SIDT2: variants seen among roughly 807,000 people sequenced by gnomAD.
The protein encoded by SIDT2 is SID1 transmembrane family, member 2.
In SIDT2, 68 loss-of-function variants were observed where a neutral mutation model predicts 114.4. The observed-to-expected ratio is 0.59, with a 90% confidence interval of 0.49 to 0.73. The LOEUF (loss-of-function observed/expected upper bound fraction) is 0.73, where lower values mean the gene tolerates loss of function less well. Ranked by LOEUF, SIDT2 falls within the 30% of genes least tolerant of loss-of-function variation. The pLI is 0.00. For synonymous variants in SIDT2, 470 were observed against 438.4 expected, an observed-to-expected ratio of 1.07 and a Z score of -0.90; for missense variants, 918 against 1,097.1, an observed-to-expected ratio of 0.84 and a Z score of 2.31.
intron 6 of SIDT2, among the ~76,000 whole-genome samples, chr11:117,183,119 G>A (rs1421649530): frequency 4.6e-5 from 7 of 152,046 alleles, no homozygotes; most frequent in African/African-American, 1.4e-4. Context: ...CGAGGTGGGC[G>A]GATCACCTGA....
rs2030654430 is a variant in SIDT2, at chr11:117,190,381, C to T, written c.1617+92C>T. ...GACACCCTTTTGGGCAGGCCTGGCC[C>T]TGCCTTCCCCAGCTCTCCCCTCCCC... On this transcript the variant is annotated intron_variant, in intron 17 of 25. Coordinates refer to ENST00000324225, the MANE Select transcript of SIDT2 (RefSeq NM_001040455.2). The surrounding 1 kb of genome is among the most constrained non-coding windows in gnomAD (Gnocchi z 4.1). The T allele has an allele frequency of 1.3e-6, 2 of 1,503,882 alleles. No homozygotes were observed. Among genetic ancestry groups the T allele is most frequent in the Admixed American group, 2.3e-5 (1 of 43,332 alleles). 93.2% of individuals were successfully genotyped at this position (1,503,882 alleles called of 1,614,324 possible). A position where few individuals can be genotyped will look rare whatever the true frequency, so the allele number is the denominator to read the frequency against.
At position 117,181,928 on chromosome 11, in the gene SIDT2, A is replaced by G. The variant is rs1270348631; in HGVS notation, c.427A>G (p.Thr143Ala). 6.2e-7 allele frequency: 1 copy of G among 1,614,112 alleles called. No individual in the cohort carries two copies. The highest frequency in any genetic ancestry group is 8.5e-7 in the Non-Finnish European group (1 of 1,180,020). The stretch of plus-strand genomic sequence containing the variant: ...GTCCACCCTGTCACCAGTCAACACC[A>G]CATACCAGCTCCGGGTCAGCCGCAT... ...DVSTLSPVNTTYQLRVSRMDD... is the reference protein window; with the variant it reads ...DVSTLSPVNTAYQLRVSRMDD... Residue 143 changes from threonine to alanine, a missense_variant, in exon 3 of 26, where the codon ACA (threonine) becomes GCA (alanine). Physicochemically the swap from Thr to Ala is moderately conservative, Grantham distance 58. Around this residue, in one of 4 missense-constraint regions of SIDT2, gnomAD observed 553 missense variants for 600.1 expected, o/e 0.92. Transcript: ENST00000324225.
At position 117,183,872 on chromosome 11, in the gene SIDT2, G is replaced by A. The variant is rs200974213; in HGVS notation, c.796G>A (p.Ala266Thr). The part of the protein sequence containing the change: ...CGGSLPFYPF[A>T]EDEPVDQGHR... ...GGGCTCCCTGCCTTTCTACCCCTTC[G>A]CAGAAGGTACATTTTGTGCCCTGGG... Residue 266 changes from alanine (A) to threonine (T), a missense_variant, in exon 7 of 26, where the codon GCA (alanine) becomes ACA (threonine). By Grantham distance (58) the Ala-to-Thr change is moderately conservative. Transcript: ENST00000324225. The A allele has an allele frequency of 3.5e-5, 56 of 1,611,904 alleles. No individual in the cohort carries two copies. The highest frequency in any genetic ancestry group is 3.1e-4 in the African/African-American group (23 of 74,868).
chr11:117,191,846 T>G, intron 18 of SIDT2, 32 bp from the exon 19 acceptor site: 1 of 1,608,060 alleles, frequency 6.2e-7, no homozygotes, highest in Non-Finnish European at 8.5e-7. Context: ...GGTGGCCATT[T>G]CTGCAGCTCC....
Position 117,190,646 on chromosome 11 carries a change from T to C in SIDT2, c.1641T>C (p.Phe547=), listed in dbSNP as rs746581208. ...CALECGIPKH[F]GLFYAMGTAL... ...AGGAATGTGGGATCCCCAAACACTT[T>C]GGGCTTTTCTACGCCATGGGCACAG... The change falls in exon 18 of 26, where the codon TTT becomes TTC. Residue 547 remains phenylalanine, a synonymous_variant. Transcript: ENST00000324225. The surrounding 1 kb of genome is among the most constrained non-coding windows in gnomAD (Gnocchi z 4.1). 5.0e-6 allele frequency: 8 copies of C among 1,597,052 alleles called. No individual in the cohort carries two copies. In the South Asian group the frequency reaches 7.9e-5, roughly 16 times the overall value.
intron 8 of SIDT2, among the ~76,000 whole-genome samples, chr11:117,184,579 G>C (rs566943151): frequency 6.6e-6 from 1 of 152,278 alleles, no homozygotes; most frequent in African/African-American, 2.4e-5. Flanking sequence ...AATTTGTCCA[G>C]TTAATCTCAC....
At position 117,188,566 on chromosome 11, in the gene SIDT2, AC is replaced by A; in HGVS notation, c.1160-141del. The A allele has an allele frequency of 1.5e-6, 1 of 658,834 alleles. No homozygotes were observed. The highest frequency in any genetic ancestry group is 2.8e-6 in the Non-Finnish European group (1 of 360,364). 40.8% of individuals were successfully genotyped at this position (658,834 alleles called of 1,614,324 possible). A position where few individuals can be genotyped will look rare whatever the true frequency, so the allele number is the denominator to read the frequency against. ...ATGTCTCCTCCCAGCTCCTGAGCCC[AC>A]TTCCACCCCAACTCTGAGGCCCAGC... On this transcript the variant is annotated intron_variant, in intron 12 of 25. Coordinates refer to ENST00000324225, the MANE Select transcript of SIDT2 (RefSeq NM_001040455.2). This position sits in a 1 kb window ranked among gnomAD's most constrained non-coding sequence, Gnocchi z 4.0.
Position 117,192,602 on chromosome 11 carries a change from C to T in SIDT2, c.2010C>T (p.His670=), listed in dbSNP as rs775982399. ...LDSGIFRRIL[H]VLYTDCIRQC... ...CGGGGATCTTCCGCCGCATCCTCCACGTGCTCTACACAGACTGCATCCGGC... is the reference window on the plus strand; with the variant it reads ...CGGGGATCTTCCGCCGCATCCTCCATGTGCTCTACACAGACTGCATCCGGC... Residue 670 remains histidine (H), a synonymous_variant, in exon 21 of 26, where the codon CAC becomes CAT. Coordinates refer to ENST00000324225, the MANE Select transcript of SIDT2 (RefSeq NM_001040455.2). The surrounding 1 kb of genome is among the most constrained non-coding windows in gnomAD (Gnocchi z 5.9). The T allele has an allele frequency of 7.4e-6, 12 of 1,611,106 alleles. No individual in the cohort carries two copies. Among genetic ancestry groups the T allele is most frequent in the East Asian group, 4.5e-5 (2 of 44,894 alleles).
At chr11:117,194,047 T>G in intron 24 of SIDT2, 84 bp downstream of exon 24, 26 of 1,096,770 alleles carry the variant, frequency 2.4e-5, no homozygotes, top group Non-Finnish European at 3.4e-5. Context: ...TGGGATTACC[T>G]GTAATCCCAG....
chr11:117,179,156 T>G lies in SIDT2; in HGVS notation c.-108T>G. The G allele has an allele frequency of 9.5e-7, 1 of 1,052,304 alleles. No homozygotes were observed. The highest frequency in any genetic ancestry group is 1.4e-6 in the Non-Finnish European group (1 of 728,294). The allele number at this position is 1,052,304 out of a possible 1,614,324, so 65.2% of individuals were successfully genotyped here. A position where few individuals can be genotyped will look rare whatever the true frequency, so the allele number is the denominator to read the frequency against. ...GCCGGGGTTAAAGTTCTGGTCCTGGTGAGATGCTGGAAGCTGCGGCCGCAG... is the reference window on the plus strand; with the variant it reads ...GCCGGGGTTAAAGTTCTGGTCCTGGGGAGATGCTGGAAGCTGCGGCCGCAG... On this transcript the variant is annotated 5_prime_UTR_variant, in exon 1 of 26. Transcript: ENST00000324225.
At chr11:117,189,291 G>T (rs1306389714) in intron 14 of SIDT2, 44 bp from the exon 15 acceptor site, 2 of 1,612,638 alleles carry the variant, frequency 1.2e-6, no homozygotes, top group Non-Finnish European at 1.7e-6. Context: ...GTGTGTGGCA[G>T]CCTTGGGTGC....
In SIDT2 at chr11:117,190,905, C is replaced by T; in HGVS notation, c.1735+165C>T. 1 of 592,130 alleles carries T rather than the reference C, an allele frequency of 1.7e-6. No individual in the cohort carries two copies. Among genetic ancestry groups the T allele is most frequent in the Non-Finnish European group, 3.0e-6 (1 of 328,706 alleles). The allele number at this position is 592,130 out of a possible 1,614,324, so 36.7% of individuals were successfully genotyped here. On this transcript the variant is annotated intron_variant, in intron 18 of 25. Transcript: ENST00000324225. This position sits in a 1 kb window ranked among gnomAD's most constrained non-coding sequence, Gnocchi z 4.1. ...CATCCTAGCCTATGGAACATGGGCA[C>T]CTAGATGCTGCTTCATTCATCTGTC...
rs113069843 is a variant in SIDT2 at position 117,192,185 on chromosome 11, A to G, written c.1873-69A>G. 4.9e-5 allele frequency: 73 copies of G among 1,481,116 alleles called. 3 individuals carry two copies. The highest frequency in any genetic ancestry group is 4.4e-4 in the African/African-American group (32 of 72,306). The allele number at this position is 1,481,116 out of a possible 1,614,324, so 91.7% of individuals were successfully genotyped here. A position where few individuals can be genotyped will look rare whatever the true frequency, so the allele number is the denominator to read the frequency against. Reference sequence around the variant, plus strand: ...CCAGCCTGGCTGAGCAGCCAGCCCCAGGAAGGGTGGGCCATCCGAGCCACT... The same window carrying G: ...CCAGCCTGGCTGAGCAGCCAGCCCCGGGAAGGGTGGGCCATCCGAGCCACT... On this transcript the variant is annotated intron_variant, in intron 19 of 25. Coordinates refer to ENST00000324225, the MANE Select transcript of SIDT2 (RefSeq NM_001040455.2). The surrounding 1 kb of genome is among the most constrained non-coding windows in gnomAD (Gnocchi z 5.9).
rs2030659182 is a variant in SIDT2, at chr11:117,190,473, TGCCCAGGCCA to T, written c.1618-144_1618-135del. On this transcript the variant is annotated intron_variant, in intron 17 of 25. Coordinates refer to ENST00000324225, the MANE Select transcript of SIDT2 (RefSeq NM_001040455.2). This position sits in a 1 kb window ranked among gnomAD's most constrained non-coding sequence, Gnocchi z 4.1. ...CCTGCCCTGCCCTCCCTTGCCAGCC[TGCCCAGGCCA>T]GCCCACCCCTGCACACCCACACTCG... 1.8e-6 allele frequency: 1 copy of T among 542,792 alleles called. No individual in the cohort carries two copies. Among genetic ancestry groups the T allele is most frequent in the Admixed American group, 7.9e-5 (1 of 12,688 alleles). The allele number at this position is 542,792 out of a possible 1,614,324, so 33.6% of individuals were successfully genotyped here.
In SIDT2 at chr11:117,187,634, T is replaced by G. The variant is rs1218129386; in HGVS notation, c.1094T>G (p.Val365Gly). The G allele has an allele frequency of 6.2e-7, 1 of 1,614,064 alleles. No homozygotes were observed. Among genetic ancestry groups the G allele is most frequent in the Non-Finnish European group, 8.5e-7 (1 of 1,180,004 alleles). ...CACTGATCGTTCCCCACAGAGAATG[T>G]TTCTGGATCTACCGATGGTCTGGTT... is the stretch of plus-strand genomic sequence containing the variant. ...EGYNYGSFEN[V>G]SGSTDGLVDS... The change falls in exon 12 of 26, where the codon GTT (valine) becomes GGT (glycine). Residue 365 changes from valine to glycine, a missense_variant. By Grantham distance (109) the Val-to-Gly change is moderately radical (BLOSUM62 -3). Coordinates refer to ENST00000324225, the MANE Select transcript of SIDT2 (RefSeq NM_001040455.2).
At chr11:117,187,478 C>G in intron 11 of SIDT2, 29 bp downstream of exon 11, 2 of 1,612,230 alleles carry the variant, frequency 1.2e-6, no homozygotes, top group Non-Finnish European at 1.7e-6. Context: ...ACCGTGCTTG[C>G]TGGGGACATG....
At chr11:117,193,484 T>A (rs1349475815) in intron 23 of SIDT2, among the ~76,000 whole-genome samples, 1 of 152,196 alleles carries the variant, frequency 6.6e-6, no homozygotes, top group Non-Finnish European at 1.5e-5. Context: ...CATTTTAGGC[T>A]GCAGTTGTAA....
chr11:117,182,100 C>T lies in SIDT2; in HGVS notation c.511C>T (p.Pro171Ser), dbSNP rs1209186060. The T allele has an allele frequency of 6.2e-7, 1 of 1,613,902 alleles. No individual in the cohort carries two copies. Among genetic ancestry groups the T allele is most frequent in the South Asian group, 1.1e-5 (1 of 91,068 alleles). ...CAGCTTCAATACCACAGCAGCACAG[C>T]CCCAGGTAACATCTCCCTGTTGATT... ...QFSFNTTAAQ[P>S]QYFKYEFPEG... The change falls in exon 4 of 26, where the codon CCC (proline) becomes TCC (serine). Residue 171 changes from proline (P) to serine (S), a missense_variant. Transcript: ENST00000324225.
At position 117,192,618 on chromosome 11, in the gene SIDT2, T is replaced by C. The variant is rs762401367; in HGVS notation, c.2026T>C (p.Cys676Arg). Residue 676 changes from cysteine (C) to arginine (R), a missense_variant, in exon 21 of 26, where the codon TGC (cysteine) becomes CGC (arginine). This residue lies in a region of SIDT2 where 275 missense variants were observed against 397.6 expected (regional missense o/e 0.69). Coordinates refer to ENST00000324225, the MANE Select transcript of SIDT2 (RefSeq NM_001040455.2). This position sits in a 1 kb window ranked among gnomAD's most constrained non-coding sequence, Gnocchi z 5.9. ...CATCCTCCACGTGCTCTACACAGAC[T>C]GCATCCGGCAGTGCAGCGGGCCGCT... The part of the protein sequence containing the change: ...RRILHVLYTD[C>R]IRQCSGPLYV... 1.2e-6 allele frequency: 2 copies of C among 1,611,936 alleles called. No homozygotes were observed. Among genetic ancestry groups the C allele is most frequent in the South Asian group, 1.1e-5 (1 of 91,086 alleles).
Sources: gnomAD v4.1 joint callset for allele counts (sites outside exome capture counted in the v4.1 genomes callset) on GRCh38, gnomAD v4.1.1 for gene constraint, gnomAD v4.1.1 regional missense constraint, Gnocchi (gnomAD v3.1) non-coding constraint, MANE v1.5 for transcripts, NCBI Gene and HGNC (gene_info 2026-07-23, HGNC 2026-07-21) for gene names.